Variants in INTS10 observed in about 807,000 individuals in gnomAD.
The protein encoded by INTS10 is integrator complex subunit 10.
Under a neutral mutation model 94.4 loss-of-function variants are expected in INTS10, and 44 were observed. The observed-to-expected ratio is 0.47, with a 90% CI of 0.37 to 0.60. INTS10 has a LOEUF of 0.60. Among genes scored for constraint, INTS10 ranks in the 20% least tolerant of loss-of-function variants. The pLI, the probability that INTS10 is intolerant of heterozygous loss-of-function variation, is 0.00. For missense variants in INTS10, 797 were observed against 868.7 expected (o/e 0.92, Z 1.04); for synonymous variants, 341 against 320.7 (o/e 1.06, Z -0.68).
intron 5 of INTS10, among the ~76,000 whole-genome samples, chr8:19,822,743 A>C (rs547824001): frequency 4.1e-4 from 63 of 152,208 alleles, no homozygotes; most frequent in African/African-American, 1.5e-3. Flanking sequence ...CGAGGTCAAG[A>C]GATCGAGACC....
At chr8:19,847,579 G>T (rs192078123) in intron 16 of INTS10, among the ~76,000 whole-genome samples, 1 of 152,336 alleles carries the variant, frequency 6.6e-6, no homozygotes, top group African/African-American at 2.4e-5. Context: ...CGAAGTCTGT[G>T]TACATAGGAT....
In INTS10 at chr8:19,817,483, T is replaced by TC; in HGVS notation, c.-53dup. On this transcript the variant is annotated 5_prime_UTR_variant, in exon 1 of 17. Coordinates refer to ENST00000397977, the MANE Select transcript of INTS10 (RefSeq NM_018142.4). Reference sequence around the variant, plus strand: ...CGGTGGCTGCCGTGGCGGCTGAGAGTCCAGAGCCGGACGTTCCGGCCGCTT... The same window carrying TC: ...CGGTGGCTGCCGTGGCGGCTGAGAGTCCCAGAGCCGGACGTTCCGGCCGCTT... 6.4e-7 allele frequency: 1 copy of TC among 1,573,996 alleles called. No individual in the cohort carries two copies. Among genetic ancestry groups the TC allele is most frequent in the Non-Finnish European group, 8.6e-7 (1 of 1,163,494 alleles).
In INTS10 at chr8:19,819,692, T is replaced by C; in HGVS notation, c.301+16T>C. 6.4e-7 allele frequency: 1 copy of C among 1,555,554 alleles called. No homozygotes were observed. Among genetic ancestry groups the C allele is most frequent in the Non-Finnish European group, 8.9e-7 (1 of 1,129,054 alleles). On this transcript the variant is annotated intron_variant, in intron 3 of 16. Coordinates refer to ENST00000397977, the MANE Select transcript of INTS10 (RefSeq NM_018142.4). ...TTTTTAAGAAGTAAGAATAATGGTG[T>C]ATAAGTTACCATTTCGGGAATACCA...
Position 19,846,372 on chromosome 8 carries a change from G to T in INTS10, c.1976+575G>T, listed in dbSNP as rs1368167801. On this transcript the variant is annotated intron_variant, in intron 16 of 16. Coordinates refer to ENST00000397977, the MANE Select transcript of INTS10 (RefSeq NM_018142.4). This position sits in a 1 kb window ranked among gnomAD's most constrained non-coding sequence, Gnocchi z 4.2. ...CGCTTGAACCCAGGAGGTGGAGGTT[G>T]CAGTGAGCCGAGGTCGCGCCATTAC... Among the ~76,000 whole-genome samples, 1 of 151,908 alleles carries T rather than the reference G, an allele frequency of 6.6e-6. No homozygotes were observed. Among genetic ancestry groups the T allele is most frequent in the African/African-American group, 2.4e-5 (1 of 41,322 alleles).
chr8:19,824,536 T>C (rs1407472164), intron 7 of INTS10: 3 of 333,472 alleles, frequency 9.0e-6, no homozygotes, highest in Admixed American at 9.7e-5. Context: ...AACTGAAATA[T>C]GAACTCTTAA....
At chr8:19,833,783 A>C (rs1188683264) in intron 12 of INTS10, among the ~76,000 whole-genome samples, 2 of 152,012 alleles carry the variant, frequency 1.3e-5, no homozygotes, top group African/African-American at 4.8e-5. Flanking sequence ...TGAGGCCAGC[A>C]CATCACCTGA....
At chr8:19,839,748 A>G (rs911850961) in intron 13 of INTS10, among the ~76,000 whole-genome samples, 1 of 152,092 alleles carries the variant, frequency 6.6e-6, no homozygotes, top group African/African-American at 2.4e-5. Flanking sequence ...TTGGCTATGT[A>G]GAAAACTTGA....
intron 12 of INTS10, 132 bp downstream of exon 12, chr8:19,833,453 A>C: frequency 1.7e-6 from 1 of 581,320 alleles, no homozygotes; most frequent in Non-Finnish European, 2.6e-6. Context: ...TTATTACTTA[A>C]TCTGCTAGTG....
At chr8:19,836,074 G>A (rs2067637783) in intron 12 of INTS10, among the ~76,000 whole-genome samples, 1 of 152,046 alleles carries the variant, frequency 6.6e-6, no homozygotes, top group Non-Finnish European at 1.5e-5. Flanking sequence ...ATGACGGGTT[G>A]ATAGGTGCAG....
Position 19,824,830 on chromosome 8 carries a change from G to C in INTS10, c.864G>C (p.Met288Ile). 6.2e-7 allele frequency: 1 copy of C among 1,611,078 alleles called. No homozygotes were observed. Among genetic ancestry groups the C allele is most frequent in the Non-Finnish European group, 8.5e-7 (1 of 1,178,092 alleles). Residue 288 changes from methionine to isoleucine, a missense_variant, in exon 8 of 17, where the codon ATG becomes ATC. Met to Ile is a conservative substitution (Grantham distance 10). Coordinates refer to ENST00000397977, the MANE Select transcript of INTS10 (RefSeq NM_018142.4). ...RRSYGDILHRMKDLCRYMNNF... is the reference protein window; with the variant it reads ...RRSYGDILHRIKDLCRYMNNF... ...GCTATGGAGATATTTTGCATAGAAT[G>C]AAGGATCTCTGCAGATACATGAACA...
chr8:19,840,413 G>A (rs1315959972), intron 13 of INTS10, among the ~76,000 whole-genome samples: 1 of 152,034 alleles, frequency 6.6e-6, no homozygotes. Context: ...TACGGTTTTT[G>A]GTGGTTTTTT....
chr8:19,823,512 A>C, intron 6 of INTS10, 71 bp downstream of exon 6: 2 of 1,034,576 alleles, frequency 1.9e-6, no homozygotes, highest in Non-Finnish European at 3.0e-6. Flanking sequence ...AAACCCCTCA[A>C]TGTTCTGATT....
chr8:19,845,379 A>G (rs547091671), intron 15 of INTS10: 51 of 224,768 alleles, frequency 2.3e-4, no homozygotes, highest in Non-Finnish European at 3.9e-4. Flanking sequence ...ATTAATTATT[A>G]TCGATATGGA....
intron 13 of INTS10, among the ~76,000 whole-genome samples, chr8:19,839,875 C>G (rs2067985585): frequency 6.6e-6 from 1 of 151,818 alleles, no homozygotes; most frequent in Non-Finnish European, 1.5e-5. Context: ...CAAGCCTGGC[C>G]AACATGGTGA....
In INTS10 at chr8:19,817,525, G is replaced by C; in HGVS notation, c.-13G>C. 1 of 1,603,208 alleles carries C rather than the reference G, an allele frequency of 6.2e-7. No individual in the cohort carries two copies. The highest frequency in any genetic ancestry group is 8.5e-7 in the Non-Finnish European group (1 of 1,176,334). Reference sequence around the variant, plus strand: ...CGGCCGCTTCGGGCTGGCGGCTGGAGAGCGCTCGGGTCATGTCTGCCCAGG... The same window carrying C: ...CGGCCGCTTCGGGCTGGCGGCTGGACAGCGCTCGGGTCATGTCTGCCCAGG... On this transcript the variant is annotated 5_prime_UTR_variant, in exon 1 of 17. Transcript: ENST00000397977.
chr8:19,848,994 T>G, intron 16 of INTS10: 2 of 286,818 alleles, frequency 7.0e-6, no homozygotes, highest in South Asian at 5.5e-5. Context: ...CTGGCTAGCT[T>G]CTCCCCAGTC....
At chr8:19,848,661 A>T (rs4520184) in intron 16 of INTS10, 84,074 of 151,580 alleles carry the variant, frequency 0.55, 23,525 homozygotes, top group East Asian at 0.74. Context: ...CCCTTTTTTT[A>T]AATCAAAAAC....
chr8:19,842,807 A>G (rs1205176053), intron 13 of INTS10, 41 bp from the exon 14 acceptor site: 41 of 1,375,526 alleles, frequency 3.0e-5, no homozygotes, highest in Non-Finnish European at 4.1e-5. Flanking sequence ...GTTATCTTTG[A>G]TAATAACATA....
In INTS10 at chr8:19,851,777, A is replaced by C. The variant is rs780134789; in HGVS notation, c.2105A>C (p.Lys702Thr). The change falls in exon 17 of 17, where the codon AAG becomes ACG. Residue 702 changes from lysine to threonine, a missense_variant. Physicochemically the swap from Lys to Thr is moderately conservative, Grantham distance 78. This residue lies in a region of INTS10 where 47 missense variants were observed against 41.8 expected (regional missense o/e 1.12). Transcript: ENST00000397977. The surrounding 1 kb of genome is among the most constrained non-coding windows in gnomAD (Gnocchi z 5.0). ...VVLHRFCINE[K>T]ILLLQTLT ...CTGCACAGGTTCTGCATTAATGAGAAGATCTTGCTCCTTCAGACTCTGACC... is the reference window on the plus strand; with the variant it reads ...CTGCACAGGTTCTGCATTAATGAGACGATCTTGCTCCTTCAGACTCTGACC... The C allele has an allele frequency of 1.9e-6, 3 of 1,614,188 alleles. No homozygotes were observed. Among genetic ancestry groups the C allele is most frequent in the East Asian group, 4.5e-5 (2 of 44,874 alleles).
Sources: allele counts gnomAD v4.1 joint callset (sites outside exome capture counted in the v4.1 genomes callset), GRCh38; gene constraint gnomAD v4.1.1; regional missense constraint gnomAD v4.1.1; non-coding constraint Gnocchi (gnomAD v3.1); transcripts MANE v1.5; gene names NCBI Gene and HGNC (gene_info 2026-07-23, HGNC 2026-07-21).